The following AUTS2 variants were observed in gnomAD, a reference collection of about 807,000 sequenced individuals.
The protein encoded by AUTS2 is activator of transcription and developmental regulator AUTS2.
In AUTS2, 17 loss-of-function variants were observed where a neutral mutation model predicts 112.4. That is an observed-to-expected ratio of 0.15 (90% CI 0.10 to 0.23). The LOEUF is 0.23. Ranked by LOEUF, AUTS2 falls within the 10% of genes least tolerant of loss-of-function variation. The pLI, the probability that AUTS2 is intolerant of heterozygous loss-of-function variation, is 1.00. For missense variants in AUTS2, 1,510 were observed against 1,701.6 expected (o/e 0.89, Z 1.98); for synonymous variants, 751 against 702.7 (o/e 1.07, Z -1.09).
chr7:70,376,450 G>A (rs1793087440), intron 4 of AUTS2, among the ~76,000 whole-genome samples: 2 of 151,952 alleles, frequency 1.3e-5, no homozygotes, highest in African/African-American at 4.8e-5. Flanking sequence ...TGGACTGTGG[G>A]TGAGATGTGG....
At chr7:70,182,756 G>T (rs1343243806) in intron 4 of AUTS2, among the ~76,000 whole-genome samples, 1 of 151,772 alleles carries the variant, frequency 6.6e-6, no homozygotes, top group Non-Finnish European at 1.5e-5. Context: ...AAGAAAACTG[G>T]CTTTAGTAAG....
intron 2 of AUTS2, among the ~76,000 whole-genome samples, chr7:69,981,792 G>C (rs1293709902): frequency 6.6e-6 from 1 of 152,194 alleles, no homozygotes; most frequent in Non-Finnish European, 1.5e-5. Flanking sequence ...CAGAGCATTA[G>C]TAGGTCACTA....
chr7:70,081,965 T>TGTGC lies in AUTS2; in HGVS notation c.523-36166_523-36165insTGCG, dbSNP rs1018968486. ...GTGTGTGTGTGTGTGTGTGTGTGTG[T>TGTGC]GCGCGCGCCTGTGTGTGTGTTTAAA... On this transcript the variant is annotated intron_variant, in intron 2 of 18. Transcript: ENST00000342771. Among the ~76,000 whole-genome samples, 70 of 128,102 alleles carry TGTGC rather than the reference T, an allele frequency of 5.5e-4. No individual in the cohort carries two copies. The South Asian group carries it at 6.0e-3, about 11-fold the overall frequency. The allele number at this position is 128,102 out of a possible 152,430, so 84.0% of individuals were successfully genotyped here.
chr7:70,281,024 T>A (rs749159570), intron 4 of AUTS2, among the ~76,000 whole-genome samples: 1 of 152,220 alleles, frequency 6.6e-6, no homozygotes, highest in Non-Finnish European at 1.5e-5. Flanking sequence ...TTTTTATCTG[T>A]ATCTATTATC....
At chr7:70,337,433 T>G (rs12698899) in intron 4 of AUTS2, among the ~76,000 whole-genome samples, 44,641 of 152,070 alleles carry the variant, frequency 0.29, 6,864 homozygotes, top group African/African-American at 0.38. Context: ...ATGTTACAAG[T>G]GATAGCTTTC....
intron 2 of AUTS2, among the ~76,000 whole-genome samples, chr7:69,975,388 T>C (rs1798014396): frequency 6.6e-6 from 1 of 152,238 alleles, no homozygotes; most frequent in South Asian, 2.1e-4. Context: ...TCTGTAGGTG[T>C]TGTTTTTGCC....
intron 1 of AUTS2, among the ~76,000 whole-genome samples, chr7:69,652,681 A>G (rs1386318648): frequency 6.6e-6 from 1 of 152,080 alleles, no homozygotes; most frequent in African/African-American, 2.4e-5. Flanking sequence ...AGTTTTACAA[A>G]CACATGAATT....
In AUTS2 at chr7:70,728,990, C is replaced by T. The variant is rs1258171530; in HGVS notation, c.742+30370C>T. On this transcript the variant is annotated intron_variant, in intron 6 of 18. Coordinates refer to ENST00000342771, the MANE Select transcript of AUTS2 (RefSeq NM_015570.4). ...AACAGCGCTCTCTCCCAAGGGGCCA[C>T]ATGAAAGGGAAACCCAGGCACCACC... 1.8e-4 allele frequency: 63 copies of T among 348,774 alleles called. No individual in the cohort carries two copies. The East Asian group carries it at 4.3e-3, about 24-fold the overall frequency. The allele number at this position is 348,774 out of a possible 1,614,324, so 21.6% of individuals were successfully genotyped here.
chr7:69,991,984 T>G (rs372848179), intron 2 of AUTS2, among the ~76,000 whole-genome samples: 4 of 152,236 alleles, frequency 2.6e-5, no homozygotes, highest in African/African-American at 9.6e-5. Context: ...TGCATACTTA[T>G]GTAAGTGTTG....
chr7:70,211,378 G>T (rs914865503), intron 4 of AUTS2, among the ~76,000 whole-genome samples: 3 of 150,966 alleles, frequency 2.0e-5, no homozygotes, highest in Non-Finnish European at 4.4e-5. Context: ...GGCCGGGCGC[G>T]GTGGTTCACG....
chr7:69,643,435 G>C (rs6951770), intron 1 of AUTS2: 14,747 of 150,824 alleles, frequency 0.098, 1,127 homozygotes, highest in African/African-American at 0.21. Context: ...TTTTTTTTCT[G>C]TATCTTCCTT....
intron 2 of AUTS2, among the ~76,000 whole-genome samples, chr7:70,053,394 T>C (rs1399702496): frequency 6.6e-6 from 1 of 152,206 alleles, no homozygotes; most frequent in Non-Finnish European, 1.5e-5. Context: ...GTAGCTACCC[T>C]ACCCTATCCC....
At chr7:70,657,151 A>C (rs990712730) in intron 5 of AUTS2, among the ~76,000 whole-genome samples, 1 of 152,172 alleles carries the variant, frequency 6.6e-6, no homozygotes, top group Non-Finnish European at 1.5e-5. Flanking sequence ...AAGCCCAAGG[A>C]TGAGTGGCTG....
At chr7:70,288,319 G>A (rs974226870) in intron 4 of AUTS2, among the ~76,000 whole-genome samples, 9 of 152,030 alleles carry the variant, frequency 5.9e-5, no homozygotes, top group Admixed American at 2.0e-4. Flanking sequence ...GGAAAATGGC[G>A]TGAACCCGGG....
At chr7:69,755,262 T>C (rs1038058307) in intron 1 of AUTS2, among the ~76,000 whole-genome samples, 1 of 152,206 alleles carries the variant, frequency 6.6e-6, no homozygotes, top group African/African-American at 2.4e-5. Context: ...GGAAATGGTA[T>C]GCAAGGCAAG....
At chr7:69,656,386 G>T (rs1370724439) in intron 1 of AUTS2, among the ~76,000 whole-genome samples, 1 of 152,244 alleles carries the variant, frequency 6.6e-6, no homozygotes, top group African/African-American at 2.4e-5. Flanking sequence ...CAGTCTCTCT[G>T]TTGGGGAAAA....
intron 1 of AUTS2, among the ~76,000 whole-genome samples, chr7:69,875,481 T>C (rs763196025): frequency 5.3e-5 from 8 of 152,204 alleles, no homozygotes; most frequent in Non-Finnish European, 8.8e-5. Context: ...GTTAAATTGA[T>C]TGTCTCATTA....
intron 2 of AUTS2, among the ~76,000 whole-genome samples, chr7:70,102,447 T>A (rs1224950540): frequency 1.3e-5 from 2 of 152,028 alleles, no homozygotes; most frequent in Non-Finnish European, 2.9e-5. Flanking sequence ...TTATTTTTTA[T>A]TTTTTGGTGA....
intron 18 of AUTS2, 96 bp from the exon 19 acceptor site, chr7:70,789,652 G>A: frequency 6.9e-7 from 1 of 1,439,100 alleles, no homozygotes; most frequent in Non-Finnish European, 9.5e-7. Context: ...CCCCCAGCCT[G>A]TCCTCTTCAC....
Sources: allele counts gnomAD v4.1 joint callset (sites outside exome capture counted in the v4.1 genomes callset), GRCh38; gene constraint gnomAD v4.1.1; transcripts MANE v1.5; gene names NCBI Gene and HGNC (gene_info 2026-07-23, HGNC 2026-07-21).